Variants in UCK2 observed in about 807,000 individuals in gnomAD.
UCK2 encodes the protein cytidine monophosphokinase 2.
In UCK2, 6 loss-of-function variants were observed where a neutral mutation model predicts 30.8. The ratio of observed to expected loss-of-function variants is 0.19; its 90% CI spans 0.11 to 0.38. The LOEUF is 0.38. UCK2 is among the 10% of genes least tolerant of loss of function. The pLI, the probability that UCK2 is intolerant of heterozygous loss-of-function variation, is 1.00. For synonymous variants in UCK2, 125 were observed against 133.6 expected, an observed-to-expected ratio of 0.94 and a Z score of 0.45; for missense variants, 210 against 339.8, an observed-to-expected ratio of 0.62 and a Z score of 3.00.
intron 1 of UCK2, among the ~76,000 whole-genome samples, chr1:165,887,231 C>CACG (rs1336713862): frequency 6.6e-6 from 1 of 152,180 alleles, no homozygotes; most frequent in African/African-American, 2.4e-5. Context: ...AGGGAAGGGT[C>CACG]ACCAGCCAGG....
At chr1:165,861,242 T>A (rs1316205430) in intron 1 of UCK2, among the ~76,000 whole-genome samples, 1 of 152,088 alleles carries the variant, frequency 6.6e-6, no homozygotes, top group African/African-American at 2.4e-5. Flanking sequence ...TTAACGCTAT[T>A]GATACGTGGA....
intron 1 of UCK2, among the ~76,000 whole-genome samples, chr1:165,855,535 A>G (rs1309204309): frequency 7.0e-6 from 1 of 142,990 alleles, no homozygotes; most frequent in African/African-American, 2.6e-5. Flanking sequence ...TTTTCTTGCA[A>G]GCTCCTTCTG....
chr1:165,851,764 G>A (rs1284325070), intron 1 of UCK2, among the ~76,000 whole-genome samples: 1 of 152,022 alleles, frequency 6.6e-6, no homozygotes, highest in Non-Finnish European at 1.5e-5. Flanking sequence ...ACCCCCAGCA[G>A]GCCCTGGTGT....
intron 1 of UCK2, among the ~76,000 whole-genome samples, chr1:165,878,150 C>T (rs1173316727): frequency 6.6e-6 from 1 of 152,170 alleles, no homozygotes; most frequent in Non-Finnish European, 1.5e-5. Flanking sequence ...CCCTGCCTTT[C>T]CCCTAACCCC....
chr1:165,890,383 G>T lies in UCK2; in HGVS notation c.259+20G>T, dbSNP rs777822007. 1.9e-6 allele frequency: 3 copies of T among 1,611,486 alleles called. No homozygotes were observed. In the East Asian group the frequency reaches 6.7e-5, roughly 36 times the overall value. Reference sequence around the variant, plus strand: ...ACCCGGGTGAGTCGGGCATTGAAGGGGGTATGTATCTGTATTGGTGTGTTG... The same window carrying T: ...ACCCGGGTGAGTCGGGCATTGAAGGTGGTATGTATCTGTATTGGTGTGTTG... On this transcript the variant is annotated intron_variant, in intron 2 of 6. Coordinates refer to ENST00000367879, the MANE Select transcript of UCK2 (RefSeq NM_012474.5).
chr1:165,846,888 A>G (rs1051666380), intron 1 of UCK2, among the ~76,000 whole-genome samples: 2 of 152,104 alleles, frequency 1.3e-5, no homozygotes, highest in African/African-American at 4.8e-5. Context: ...CATCAGGTGG[A>G]TGTATGGGCT....
chr1:165,863,659 A>G (rs1252654686), intron 1 of UCK2, among the ~76,000 whole-genome samples: 2 of 152,202 alleles, frequency 1.3e-5, no homozygotes, highest in African/African-American at 4.8e-5. Flanking sequence ...GGGAGTTGTC[A>G]TTGGAACCAC....
intron 1 of UCK2, among the ~76,000 whole-genome samples, chr1:165,856,949 G>T (rs1654762602): frequency 7.4e-6 from 1 of 134,332 alleles, no homozygotes; most frequent in South Asian, 2.3e-4. Flanking sequence ...ACAGAGATGA[G>T]GCTCAGAAGG....
At chr1:165,888,642 CTTTTTTTTTTT>C (rs60874109) in intron 1 of UCK2, among the ~76,000 whole-genome samples, 9 of 71,018 alleles carry the variant, frequency 1.3e-4, no homozygotes, top group East Asian at 4.1e-4. Context: ...CTTTCTTCTT[CTTTTTTTTTTT>C]TTTTTTTTTT....
intron 1 of UCK2, among the ~76,000 whole-genome samples, chr1:165,834,826 C>T (rs1322012939): frequency 6.6e-6 from 1 of 152,118 alleles, no homozygotes; most frequent in Non-Finnish European, 1.5e-5. Context: ...ACCTTCAGTA[C>T]CCTATGGGAC....
intron 1 of UCK2, among the ~76,000 whole-genome samples, chr1:165,836,426 A>G (rs558417821): frequency 6.6e-6 from 1 of 152,318 alleles, no homozygotes; most frequent in East Asian, 1.9e-4. Context: ...AAATAAGTAG[A>G]TGGAAATGGA....
intron 1 of UCK2, among the ~76,000 whole-genome samples, chr1:165,874,399 C>G (rs1367146985): frequency 6.6e-6 from 1 of 152,150 alleles, no homozygotes; most frequent in Non-Finnish European, 1.5e-5. Flanking sequence ...CGTACAGAGC[C>G]GTCCAGTGGC....
rs771444325 is a variant in UCK2, at chr1:165,905,909, C to T, written c.598-12C>T. 33 of 1,613,528 alleles carry T rather than the reference C, an allele frequency of 2.0e-5. No homozygotes were observed. The South Asian group carries it at 2.6e-4, about 13-fold the overall frequency. On this transcript the variant is annotated splice_polypyrimidine_tract_variant and intron_variant, in intron 5 of 6. Transcript: ENST00000367879. ...AACTGTATTAATGCATATTAACTGT[C>T]TTTCTCCACAGACAAAGAAGTATGC...
intron 1 of UCK2, among the ~76,000 whole-genome samples, chr1:165,870,201 ATTTT>A (rs11336105): frequency 1.1e-5 from 1 of 94,682 alleles, no homozygotes. Flanking sequence ...GTCTAACTTC[ATTTT>A]TTTTTTTTTT....
At chr1:165,849,103 G>A (rs1654527797) in intron 1 of UCK2, among the ~76,000 whole-genome samples, 1 of 152,076 alleles carries the variant, frequency 6.6e-6, no homozygotes, top group Admixed American at 6.5e-5. Flanking sequence ...AAATATAGTA[G>A]GGAAGAGCAG....
chr1:165,883,116 C>T (rs1465065849), intron 1 of UCK2, among the ~76,000 whole-genome samples: 3 of 152,142 alleles, frequency 2.0e-5, no homozygotes, highest in Admixed American at 2.0e-4. Flanking sequence ...GAAGCACTCA[C>T]TCTTAATGGC....
intron 1 of UCK2, among the ~76,000 whole-genome samples, chr1:165,864,733 T>G (rs766973090): frequency 2.7e-4 from 41 of 152,290 alleles, no homozygotes; most frequent in Non-Finnish European, 5.6e-4. Flanking sequence ...AGGCTGGAGT[T>G]CATTGGCATG....
chr1:165,846,922 T>C (rs1013333412), intron 1 of UCK2, among the ~76,000 whole-genome samples: 2 of 152,168 alleles, frequency 1.3e-5, no homozygotes, highest in Admixed American at 6.5e-5. Context: ...GGGGCACCTG[T>C]TCATATTAAA....
intron 1 of UCK2, among the ~76,000 whole-genome samples, chr1:165,872,191 C>T (rs768936393): frequency 5.3e-5 from 8 of 152,330 alleles, no homozygotes; most frequent in Non-Finnish European, 8.8e-5. Context: ...TCTCCTGCCT[C>T]AGCCTCCGAA....
Sources: gnomAD v4.1 joint callset for allele counts (sites outside exome capture counted in the v4.1 genomes callset) on GRCh38, gnomAD v4.1.1 for gene constraint, MANE v1.5 for transcripts, NCBI Gene and HGNC (gene_info 2026-07-23, HGNC 2026-07-21) for gene names.